PCDHGB1: variants seen among roughly 807,000 people sequenced by gnomAD.
PCDHGB1 encodes the protein protocadherin gamma subfamily B, 1, also known as protocadherin gamma-B1.
In PCDHGB1, 34 loss-of-function variants were observed where a neutral mutation model predicts 56.6. The observed-to-expected ratio is 0.60, with a 90% CI of 0.46 to 0.80. The LOEUF (loss-of-function observed/expected upper bound fraction) is 0.80. PCDHGB1 is among the 30% of genes least tolerant of loss of function. PCDHGB1 has a pLI of 0.00. For synonymous variants in PCDHGB1, 561 were observed against 505.9 expected, an observed-to-expected ratio of 1.11 and a Z score of -1.46; for missense variants, 1,278 against 1,204.6, an observed-to-expected ratio of 1.06 and a Z score of -0.90.
At chr5:141,389,859 C>A (rs1228335415) in intron 1 of PCDHGB1, 1 of 1,614,076 alleles carries the variant, frequency 6.2e-7, no homozygotes, top group Non-Finnish European at 8.5e-7. Flanking sequence ...TGCCACGTTG[C>A]ACCTGGTCTT....
At position 141,350,388 on chromosome 5, in the gene PCDHGB1, C is replaced by T; in HGVS notation, c.128C>T (p.Ser43Leu). The T allele has an allele frequency of 6.3e-7, 1 of 1,596,148 alleles. No individual in the cohort carries two copies. Among genetic ancestry groups the T allele is most frequent in the Non-Finnish European group, 8.6e-7 (1 of 1,168,768 alleles). Residue 43 changes from serine to leucine, a missense_variant, in exon 1 of 4, where the codon TCA becomes TTA. Coordinates refer to ENST00000523390, the MANE Select transcript of PCDHGB1 (RefSeq NM_018922.3). The part of the protein sequence containing the change: ...YTIPEELANG[S>L]RVGKLAKDLG... Reference sequence around the variant, plus strand: ...ATTCCAGAGGAGCTAGCCAACGGCTCACGGGTGGGGAAACTTGCCAAGGAT... The same window carrying T: ...ATTCCAGAGGAGCTAGCCAACGGCTTACGGGTGGGGAAACTTGCCAAGGAT...
rs73265825 is a variant in PCDHGB1, at chr5:141,355,769, A to C, written c.2409+3100A>C. The C allele has an allele frequency of 1.6e-3, 2,601 of 1,613,894 alleles. 36 individuals carry two copies. In the African/African-American group the frequency reaches 0.031, roughly 19 times the overall value. On this transcript the variant is annotated intron_variant, in intron 1 of 3. Transcript: ENST00000523390. ...GTGCAAAGTGGGGCCGATGGGATTA[A>C]GTACCCAGAGCTGGTGCTGGAACGC...
At chr5:141,488,083 C>T (rs917074240) in intron 1 of PCDHGB1, among the ~76,000 whole-genome samples, 1 of 152,152 alleles carries the variant, frequency 6.6e-6, no homozygotes, top group African/African-American at 2.4e-5. Context: ...GTATCTAGTA[C>T]ACTGTGAAGG....
Position 141,490,866 on chromosome 5 carries a change from C to T in PCDHGB1, c.2410-3941C>T, listed in dbSNP as rs1408465290. The T allele has an allele frequency of 6.2e-7, 1 of 1,613,906 alleles. No homozygotes were observed. The highest frequency in any genetic ancestry group is 1.7e-5 in the Admixed American group (1 of 60,012). ...TGGGGGTTCGAGACTCCGGCTCTCC[C>T]CCATTGCATGCCAACACATCTCTGC... On this transcript the variant is annotated intron_variant, in intron 1 of 3. Coordinates refer to ENST00000523390, the MANE Select transcript of PCDHGB1 (RefSeq NM_018922.3). The surrounding 1 kb of genome is among the most constrained non-coding windows in gnomAD (Gnocchi z 5.4).
chr5:141,415,409 TG>T (rs763291157), intron 1 of PCDHGB1: 1 of 1,614,208 alleles, frequency 6.2e-7, no homozygotes, highest in Non-Finnish European at 8.5e-7. Context: ...TCGCACTTTG[TG>T]GGCGTGGACG....
Position 141,489,276 on chromosome 5 carries a change from AT to A in PCDHGB1, c.2410-5530del, listed in dbSNP as rs2099684949. 1.9e-6 allele frequency: 3 copies of A among 1,556,004 alleles called. No homozygotes were observed. Among genetic ancestry groups the A allele is most frequent in the Non-Finnish European group, 2.6e-6 (3 of 1,151,570 alleles). ...AGACACTCCCACAGCTCGCTGGGAA[AT>A]GGCAAGTGCTGTGCATGTTGTCCTT... On this transcript the variant is annotated intron_variant, in intron 1 of 3. Coordinates refer to ENST00000523390, the MANE Select transcript of PCDHGB1 (RefSeq NM_018922.3). This position sits in a 1 kb window ranked among gnomAD's most constrained non-coding sequence, Gnocchi z 4.5.
chr5:141,357,073 G>C, intron 1 of PCDHGB1: 1 of 1,613,956 alleles, frequency 6.2e-7, no homozygotes, highest in South Asian at 1.1e-5. Context: ...GCACACAGGC[G>C]AGGTGCGCAC....
chr5:141,395,716 T>C (rs2093303538), intron 1 of PCDHGB1: 1 of 154,332 alleles, frequency 6.5e-6, no homozygotes, highest in Non-Finnish European at 1.4e-5. Context: ...AACTAGGCTC[T>C]TGTAGATTTC....
intron 1 of PCDHGB1, chr5:141,409,795 G>A (rs764584425): frequency 1.2e-6 from 2 of 1,611,722 alleles, no homozygotes; most frequent in Admixed American, 1.7e-5. Context: ...TCGCGCTCAC[G>A]CTGCAGGCCC....
intron 1 of PCDHGB1, chr5:141,378,196 A>C (rs1197830416): frequency 6.6e-6 from 1 of 152,188 alleles, no homozygotes; most frequent in Non-Finnish European, 1.5e-5. Flanking sequence ...TGCCTACTAC[A>C]GTGTCTTTTG....
intron 1 of PCDHGB1, chr5:141,428,370 C>A: frequency 1.8e-6 from 1 of 540,734 alleles, no homozygotes; most frequent in Non-Finnish European, 3.4e-6. Flanking sequence ...TCGCCTTGCA[C>A]CTGCGATGCT....
chr5:141,400,092 G>T, intron 1 of PCDHGB1: 1 of 1,614,060 alleles, frequency 6.2e-7, no homozygotes, highest in Non-Finnish European at 8.5e-7. Context: ...CCACCGCCAC[G>T]CTGCACTTGG....
chr5:141,476,772 G>A lies in PCDHGB1; in HGVS notation c.2410-18035G>A. 1 of 1,613,650 alleles carries A rather than the reference G, an allele frequency of 6.2e-7. No homozygotes were observed. Among genetic ancestry groups the A allele is most frequent in the South Asian group, 1.1e-5 (1 of 91,086 alleles). ...CAGTTAGTGCTGACGGCGTTGGACG[G>A]AGGGACCCCAGCTCTCTCCGCCAGC... is the stretch of plus-strand genomic sequence containing the variant. On this transcript the variant is annotated intron_variant, in intron 1 of 3. Coordinates refer to ENST00000523390, the MANE Select transcript of PCDHGB1 (RefSeq NM_018922.3). The surrounding 1 kb of genome is among the most constrained non-coding windows in gnomAD (Gnocchi z 7.6).
intron 1 of PCDHGB1, chr5:141,393,751 C>A (rs1159377259): frequency 6.2e-7 from 1 of 1,613,846 alleles, no homozygotes; most frequent in Non-Finnish European, 8.5e-7. Flanking sequence ...GAAGAATGTT[C>A]ATTTTATGAA....
In PCDHGB1 at chr5:141,487,086, TCCCACCACAGAAG is replaced by T. The variant is rs2099639456; in HGVS notation, c.2410-7719_2410-7707del. 6.2e-7 allele frequency: 1 copy of T among 1,613,822 alleles called. No homozygotes were observed. ...ACGGCTGTTCCTATCCCAGCTGACC[TCCCACCACAGAAG>T]CTGGTCATTGTGGTAAAGGATAGTG... On this transcript the variant is annotated intron_variant, in intron 1 of 3. Coordinates refer to ENST00000523390, the MANE Select transcript of PCDHGB1 (RefSeq NM_018922.3). The surrounding 1 kb of genome is among the most constrained non-coding windows in gnomAD (Gnocchi z 5.0).
rs749007839 is a variant in PCDHGB1 at position 141,418,069 on chromosome 5, G to A, written c.2409+65400G>A. On this transcript the variant is annotated intron_variant, in intron 1 of 3. Coordinates refer to ENST00000523390, the MANE Select transcript of PCDHGB1 (RefSeq NM_018922.3). ...CGGCTCGCGAGCTGCGAGTGAGCGC[G>A]GAGAAGCTGCACTTCAGCGTAGACG... 1.7e-5 allele frequency: 28 copies of A among 1,613,926 alleles called. 1 individual carries two copies. The Middle Eastern group carries it at 9.9e-4, about 57-fold the overall frequency.
chr5:141,399,672 C>T (rs1322373656), intron 1 of PCDHGB1: 1 of 1,613,510 alleles, frequency 6.2e-7, no homozygotes, highest in Admixed American at 1.7e-5. Context: ...CGCAGCGCGC[C>T]TTTGACTACG....
chr5:141,439,428 C>T (rs1191911600), intron 1 of PCDHGB1, among the ~76,000 whole-genome samples: 1 of 152,170 alleles, frequency 6.6e-6, no homozygotes, highest in Non-Finnish European at 1.5e-5. Flanking sequence ...TATAAATTCC[C>T]AGGAATATTT....
At chr5:141,404,481 A>T in intron 1 of PCDHGB1, 1 of 1,613,836 alleles carries the variant, frequency 6.2e-7, no homozygotes, top group Non-Finnish European at 8.5e-7. Context: ...ATTAACTCAG[A>T]CACTGGTGTG....
Sources: allele counts gnomAD v4.1 joint callset (sites outside exome capture counted in the v4.1 genomes callset), GRCh38; gene constraint gnomAD v4.1.1; non-coding constraint Gnocchi (gnomAD v3.1); transcripts MANE v1.5; gene names NCBI Gene and HGNC (gene_info 2026-07-23, HGNC 2026-07-21).